The following AGFG1 variants were observed in gnomAD, a reference collection of about 807,000 sequenced individuals.
AGFG1 encodes ArfGAP with FG repeats 1.
A neutral mutation model predicts 60.6 loss-of-function variants in AGFG1; 10 were observed. The ratio of observed to expected loss-of-function variants is 0.16; its 90% confidence interval spans 0.10 to 0.28. The LOEUF is 0.28. AGFG1 is among the 10% of genes least tolerant of loss of function. The pLI is 1.00. For synonymous variants in AGFG1, 247 were observed against 242.9 expected (o/e 1.02, Z -0.16); for missense variants, 537 against 676.5 (o/e 0.79, Z 2.29).
chr2:227,554,497 C>G lies in AGFG1; in HGVS notation c.*2C>G, dbSNP rs774619852. 6.2e-7 allele frequency: 1 copy of G among 1,612,164 alleles called. No homozygotes were observed. Among genetic ancestry groups the G allele is most frequent in the Non-Finnish European group, 8.5e-7 (1 of 1,178,912 alleles). On this transcript the variant is annotated 3_prime_UTR_variant, in exon 13 of 13. Transcript: ENST00000310078. ...TCATCAACCAATCCTTTCTTATAGC[C>G]TTATATAGACAATTTACTGGAACGA...
Position 227,556,789 on chromosome 2 carries a change from T to G in AGFG1, c.*2294T>G, listed in dbSNP as rs531118553. The G allele has an allele frequency of 2.6e-5, 4 of 152,282 alleles. No individual in the cohort carries two copies. In the South Asian group the frequency reaches 8.3e-4, roughly 32 times the overall value. The allele number at this position is 152,282 out of a possible 1,614,324, so 9.4% of individuals were successfully genotyped here. A position where few individuals can be genotyped will look rare whatever the true frequency, so the allele number is the denominator to read the frequency against. On this transcript the variant is annotated 3_prime_UTR_variant, in exon 13 of 13. Coordinates refer to ENST00000310078, the MANE Select transcript of AGFG1 (RefSeq NM_004504.5). ...GTTTAGTTCAAGAAGAGACCCAAGC[T>G]GGGTATGGTGGTGTGAGAGCCTGTG...
At chr2:227,481,229 T>A (rs1403587695) in intron 1 of AGFG1, among the ~76,000 whole-genome samples, 2 of 151,888 alleles carry the variant, frequency 1.3e-5, no homozygotes, top group Non-Finnish European at 2.9e-5. Context: ...GGGAACCAAG[T>A]TGAGGGAGGT....
rs540083133 is a variant in AGFG1 at position 227,559,560 on chromosome 2, T to G, written c.*5065T>G. 2.6e-5 allele frequency: 4 copies of G among 152,262 alleles called. No homozygotes were observed. The East Asian group carries it at 5.8e-4, about 22-fold the overall frequency. The allele number at this position is 152,262 out of a possible 1,614,324, so 9.4% of individuals were successfully genotyped here. On this transcript the variant is annotated 3_prime_UTR_variant, in exon 13 of 13. Coordinates refer to ENST00000310078, the MANE Select transcript of AGFG1 (RefSeq NM_004504.5). Reference sequence around the variant, plus strand: ...AGGGACTGATGAAAAGAGAATGTTGTGATTTGAGCTTTTATAAAAAAAGAT... The same window carrying G: ...AGGGACTGATGAAAAGAGAATGTTGGGATTTGAGCTTTTATAAAAAAAGAT...
Position 227,501,770 on chromosome 2 carries a change from G to A in AGFG1, c.261+10130G>A, listed in dbSNP as rs145544843. ...GGCCCATTTTTTTATTTTTAGTAGA[G>A]ACGGAGTCTACTTCTGAGGCACTGT... On this transcript the variant is annotated intron_variant, in intron 2 of 12. Coordinates refer to ENST00000310078, the MANE Select transcript of AGFG1 (RefSeq NM_004504.5). Among the ~76,000 whole-genome samples, 374 of 152,184 alleles carry A rather than the reference G, an allele frequency of 2.5e-3. 3 individuals are homozygous for A. Among genetic ancestry groups the A allele is most frequent in the African/African-American group, 8.4e-3 (348 of 41,518 alleles).
At chr2:227,491,485 G>C in intron 1 of AGFG1, 62 bp from the exon 2 acceptor site, 2 of 1,011,694 alleles carry the variant, frequency 2.0e-6, no homozygotes, top group South Asian at 3.5e-5. Flanking sequence ...TGAATTACTA[G>C]ATGTGTCATT....
At chr2:227,483,963 A>G (rs761187247) in intron 1 of AGFG1, among the ~76,000 whole-genome samples, 67 of 152,088 alleles carry the variant, frequency 4.4e-4, no homozygotes, top group Non-Finnish European at 8.2e-4. Context: ...CATGTGCACA[A>G]CGTGCAGGTT....
chr2:227,537,691 T>C (rs1692353291), intron 10 of AGFG1, among the ~76,000 whole-genome samples: 1 of 152,232 alleles, frequency 6.6e-6, no homozygotes, highest in Non-Finnish European at 1.5e-5. Flanking sequence ...TATCTTGGAA[T>C]GTCAGCAGGT....
At chr2:227,495,075 G>A (rs1690935386) in intron 2 of AGFG1, among the ~76,000 whole-genome samples, 1 of 152,140 alleles carries the variant, frequency 6.6e-6, no homozygotes, top group South Asian at 2.1e-4. Context: ...GTGTTTGGTG[G>A]AGGAGATATG....
At chr2:227,513,753 CTGTTA>C (rs1691567942) in intron 2 of AGFG1, among the ~76,000 whole-genome samples, 1 of 152,274 alleles carries the variant, frequency 6.6e-6, no homozygotes, top group South Asian at 2.1e-4. Context: ...CTGTCAGTGT[CTGTTA>C]TGATTCCAAT....
At chr2:227,534,124 G>A (rs1462961160) in intron 7 of AGFG1, among the ~76,000 whole-genome samples, 1 of 151,670 alleles carries the variant, frequency 6.6e-6, no homozygotes, top group Non-Finnish European at 1.5e-5. Context: ...ACAATTTTCC[G>A]TTAACATCTT....
Position 227,554,496 on chromosome 2 carries a change from C to A in AGFG1, c.*1C>A, listed in dbSNP as rs1034853573. On this transcript the variant is annotated 3_prime_UTR_variant, in exon 13 of 13. Coordinates refer to ENST00000310078, the MANE Select transcript of AGFG1 (RefSeq NM_004504.5). ...CTCATCAACCAATCCTTTCTTATAG[C>A]CTTATATAGACAATTTACTGGAACG... The A allele has an allele frequency of 1.2e-6, 2 of 1,612,396 alleles. No homozygotes were observed. Among genetic ancestry groups the A allele is most frequent in the Non-Finnish European group, 8.5e-7 (1 of 1,179,018 alleles).
chr2:227,534,995 A>T lies in AGFG1; in HGVS notation c.1175A>T (p.Asn392Ile), dbSNP rs1435514145. 1.2e-6 allele frequency: 2 copies of T among 1,613,492 alleles called. No homozygotes were observed. Among genetic ancestry groups the T allele is most frequent in the East Asian group, 4.5e-5 (2 of 44,876 alleles). ...TTCAGTTCTGCAGCCACCTCCAGTA[A>T]TGCGTATACTTCCACAAGTAATGCT... ...SVFSSAATSS[N>I]AYTSTSNASS... Residue 392 changes from asparagine (N) to isoleucine (I), a missense_variant, in exon 8 of 13, where the codon AAT (asparagine) becomes ATT (isoleucine). Around this residue, in one of 4 missense-constraint regions of AGFG1, gnomAD observed 287 missense variants for 343.6 expected, o/e 0.84. Coordinates refer to ENST00000310078, the MANE Select transcript of AGFG1 (RefSeq NM_004504.5).
At chr2:227,523,628 T>G in intron 3 of AGFG1, 135 bp from the exon 4 acceptor site, 1 of 797,526 alleles carries the variant, frequency 1.3e-6, no homozygotes, top group South Asian at 2.5e-5. Context: ...ATATGCAAAG[T>G]TATTCTGTGT....
At chr2:227,514,487 C>T (rs966234933) in intron 2 of AGFG1, among the ~76,000 whole-genome samples, 8 of 152,118 alleles carry the variant, frequency 5.3e-5, no homozygotes, top group Non-Finnish European at 8.8e-5. Context: ...AGCCACTGCA[C>T]CTGGCCAAAC....
At chr2:227,506,292 G>T (rs1691310093) in intron 2 of AGFG1, among the ~76,000 whole-genome samples, 1 of 152,108 alleles carries the variant, frequency 6.6e-6, no homozygotes, top group African/African-American at 2.4e-5. Context: ...GCTGAAATCT[G>T]CTCAGTTCTT....
Position 227,533,665 on chromosome 2 carries a change from G to A in AGFG1, c.931G>A (p.Val311Ile), listed in dbSNP as rs1692224647. 1 of 1,613,824 alleles carries A rather than the reference G, an allele frequency of 6.2e-7. No individual in the cohort carries two copies. The highest frequency in any genetic ancestry group is 8.5e-7 in the Non-Finnish European group (1 of 1,179,810). The change falls in exon 7 of 13, where the codon GTT (valine) becomes ATT (isoleucine). Residue 311 changes from valine to isoleucine, a missense_variant. Coordinates refer to ENST00000310078, the MANE Select transcript of AGFG1 (RefSeq NM_004504.5). The stretch of plus-strand genomic sequence containing the variant: ...CCAGAGTCATCAAACAGCATCAGCT[G>A]TTAGTAAAGTTTCAACGAACAAAGC... ...TSQSHQTASA[V>I]SKVSTNKAGL...
intron 1 of AGFG1, among the ~76,000 whole-genome samples, chr2:227,473,312 C>A (rs1421400946): frequency 6.6e-6 from 1 of 152,040 alleles, no homozygotes; most frequent in East Asian, 1.9e-4. Context: ...GTTTTATGGT[C>A]CGAAGAGAGT....
chr2:227,551,158 G>A (rs1692807332), intron 10 of AGFG1, among the ~76,000 whole-genome samples: 1 of 152,184 alleles, frequency 6.6e-6, no homozygotes, highest in African/African-American at 2.4e-5. Context: ...GAAGAATACA[G>A]TAGCATTGAA....
In AGFG1 at chr2:227,533,562, A is replaced by G. The variant is rs1692222315; in HGVS notation, c.828A>G (p.Ala276=). The change falls in exon 7 of 13, where the codon GCA becomes GCG. Residue 276 remains alanine, a synonymous_variant. Coordinates refer to ENST00000310078, the MANE Select transcript of AGFG1 (RefSeq NM_004504.5). ...ATTCTGTTACAGGTGGAAGTGCTGC[A>G]TCAGTAAATGCTAATTTTGCTCATT... The part of the protein sequence containing the change: ...FQPQTTGGSA[A]SVNANFAHFD... 1 of 1,613,490 alleles carries G rather than the reference A, an allele frequency of 6.2e-7. No individual in the cohort carries two copies. The highest frequency in any genetic ancestry group is 8.5e-7 in the Non-Finnish European group (1 of 1,179,680).
Sources: allele counts gnomAD v4.1 joint callset (sites outside exome capture counted in the v4.1 genomes callset), GRCh38; gene constraint gnomAD v4.1.1; regional missense constraint gnomAD v4.1.1; transcripts MANE v1.5; gene names NCBI Gene and HGNC (gene_info 2026-07-23, HGNC 2026-07-21).